The following NFIL3 variants were observed in gnomAD, a reference collection of about 807,000 sequenced individuals.
The protein encoded by NFIL3 is nuclear factor interleukin-3-regulated protein.
Under a neutral mutation model 10.0 loss-of-function variants are expected in NFIL3, and 5 were observed. That is an observed-to-expected ratio of 0.50 (90% confidence interval 0.26 to 1.06). The LOEUF (loss-of-function observed/expected upper bound fraction) is 1.06, where lower values mean the gene tolerates loss of function less well. Ranked by LOEUF, NFIL3 falls within the 50% of genes least tolerant of loss-of-function variation. The probability of loss-of-function intolerance (pLI) is 0.13; values close to 1 mark genes in which losing one functional copy is unlikely to be tolerated. For missense variants in NFIL3, 436 were observed against 547.6 expected (o/e 0.80, Z 2.03); for synonymous variants, 202 against 206.5 (o/e 0.98, Z 0.19).
At chr9:91,431,653 G>A in the NFIL3 span, among the ~76,000 whole-genome samples, 1 of 152,160 alleles carries the variant, frequency 6.6e-6, no homozygotes, top group Admixed American at 6.5e-5. Context: ...TTTAACCACA[G>A]TGGAAGCCGA....
chr9:91,434,579 G>T, the NFIL3 span, among the ~76,000 whole-genome samples: 2 of 152,058 alleles, frequency 1.3e-5, no homozygotes. Context: ...TTAATTAACC[G>T]TGAAGCAGCT....
upstream of NFIL3, among the ~76,000 whole-genome samples, chr9:91,425,877 A>T (rs558049169): frequency 6.6e-6 from 1 of 152,174 alleles, no homozygotes; most frequent in Non-Finnish European, 1.5e-5. Flanking sequence ...AATCATATCC[A>T]TATTAGTTGC....
At chr9:91,449,616 G>C in the NFIL3 span, among the ~76,000 whole-genome samples, 1 of 152,056 alleles carries the variant, frequency 6.6e-6, no homozygotes, top group South Asian at 2.1e-4. Flanking sequence ...CTAGGATTTT[G>C]TTGAGGATTT....
At chr9:91,461,101 T>G in the NFIL3 span, among the ~76,000 whole-genome samples, 1 of 152,142 alleles carries the variant, frequency 6.6e-6, no homozygotes, top group Non-Finnish European at 1.5e-5. Flanking sequence ...TCCTGGTCAT[T>G]GATTTTGGAA....
At chr9:91,468,753 T>C in the NFIL3 span, among the ~76,000 whole-genome samples, 1 of 152,238 alleles carries the variant, frequency 6.6e-6, no homozygotes, top group African/African-American at 2.4e-5. Context: ...GCTTTCTACA[T>C]ATACCAAGCC....
chr9:91,473,358 C>T, the NFIL3 span, among the ~76,000 whole-genome samples: 1 of 152,236 alleles, frequency 6.6e-6, no homozygotes, highest in African/African-American at 2.4e-5. Flanking sequence ...GTGGTGGGCT[C>T]CACCCACTTT....
rs531514864 is a variant in NFIL3 at position 91,421,568 on chromosome 9, G to A, written c.-173+2072C>T. Among the ~76,000 whole-genome samples, 25 of 149,144 alleles carry A rather than the reference G, an allele frequency of 1.7e-4. 2 individuals are homozygous for A. The South Asian group carries it at 5.3e-3, about 32-fold the overall frequency. Reference sequence around the variant, plus strand: ...CACTACCAGACCCGCCCCCAGCCCCGGATTCTCGCAGACCCCACCGGCCCG... The same window carrying A: ...CACTACCAGACCCGCCCCCAGCCCCAGATTCTCGCAGACCCCACCGGCCCG... On this transcript the variant is annotated intron_variant, in intron 1 of 1. Transcript: ENST00000297689.
At chr9:91,456,902 G>A in the NFIL3 span, among the ~76,000 whole-genome samples, 1 of 151,804 alleles carries the variant, frequency 6.6e-6, no homozygotes, top group East Asian at 1.9e-4. Context: ...TTCCTTTTTG[G>A]TTCACTTTTT....
chr9:91,464,501 G>GC, the NFIL3 span, among the ~76,000 whole-genome samples: 1 of 151,908 alleles, frequency 6.6e-6, no homozygotes, highest in African/African-American at 2.4e-5. Flanking sequence ...TGCCATAATA[G>GC]CCCCATACAA....
At chr9:91,445,742 G>A in the NFIL3 span, among the ~76,000 whole-genome samples, 1 of 152,144 alleles carries the variant, frequency 6.6e-6, no homozygotes, top group Non-Finnish European at 1.5e-5. Context: ...AGATGCAACT[G>A]CCAGAGGTTT....
the NFIL3 span, among the ~76,000 whole-genome samples, chr9:91,474,201 GA>G: frequency 6.6e-6 from 1 of 151,628 alleles, no homozygotes; most frequent in African/African-American, 2.4e-5. Context: ...CTATTAATAT[GA>G]TCTTATGGTT....
Position 91,410,694 on chromosome 9 carries a change from G to A in NFIL3, c.41C>T (p.Ala14Val), listed in dbSNP as rs201655156. The change falls in exon 2 of 2, where the codon GCG (alanine) becomes GTG (valine). Residue 14 changes from alanine to valine, a missense_variant. By Grantham distance (64) the Ala-to-Val change is moderately conservative. Transcript: ENST00000297689. The surrounding 1 kb of genome is among the most constrained non-coding windows in gnomAD (Gnocchi z 5.7). Reference protein sequence around the residue: ...RKMQTVKKEQASLDASSNVDK... With the variant: ...RKMQTVKKEQVSLDASSNVDK... ...CACATTGCTACTGGCATCAAGAGAC[G>A]CCTGCTCCTTTTTGACGGTCTGCAT... 39 of 1,605,878 alleles carry A rather than the reference G, an allele frequency of 2.4e-5. 1 individual carries two copies. In the African/African-American group the frequency reaches 2.8e-4, roughly 12 times the overall value.
chr9:91,431,592 C>G, the NFIL3 span, among the ~76,000 whole-genome samples: 1 of 152,142 alleles, frequency 6.6e-6, no homozygotes, highest in Non-Finnish European at 1.5e-5. Context: ...ATTCATCCCA[C>G]GAGAGAAAGC....
chr9:91,459,610 A>G, the NFIL3 span, among the ~76,000 whole-genome samples: 1 of 152,176 alleles, frequency 6.6e-6, no homozygotes, highest in East Asian at 1.9e-4. Context: ...GCTTGAGCCC[A>G]GGAGTTCAAG....
the NFIL3 span, among the ~76,000 whole-genome samples, chr9:91,434,739 A>C: frequency 6.6e-6 from 1 of 152,232 alleles, no homozygotes; most frequent in Non-Finnish European, 1.5e-5. Context: ...GGAAAATAGT[A>C]AAAGGATACG....
At chr9:91,454,046 A>C in the NFIL3 span, among the ~76,000 whole-genome samples, 2 of 151,760 alleles carry the variant, frequency 1.3e-5, no homozygotes, top group African/African-American at 4.9e-5. Context: ...CAGTCTGGCC[A>C]ACAGGGTGAA....
chr9:91,442,870 G>A, the NFIL3 span, among the ~76,000 whole-genome samples: 14 of 152,214 alleles, frequency 9.2e-5, no homozygotes, highest in African/African-American at 2.4e-4. Flanking sequence ...CTTGTCATCC[G>A]GAATGTGGCA....
chr9:91,448,327 T>A, the NFIL3 span, among the ~76,000 whole-genome samples: 1 of 152,224 alleles, frequency 6.6e-6, no homozygotes, highest in Non-Finnish European at 1.5e-5. Context: ...TGATGAGGAC[T>A]TCATACTGCT....
chr9:91,459,304 A>G, the NFIL3 span, among the ~76,000 whole-genome samples: 2 of 152,168 alleles, frequency 1.3e-5, no homozygotes, highest in Non-Finnish European at 2.9e-5. Context: ...CCCATCATGT[A>G]TATGTGAATC....
Sources: allele counts gnomAD v4.1 joint callset (sites outside exome capture counted in the v4.1 genomes callset), GRCh38; gene constraint gnomAD v4.1.1; non-coding constraint Gnocchi (gnomAD v3.1); transcripts MANE v1.5; gene names NCBI Gene and HGNC (gene_info 2026-07-23, HGNC 2026-07-21).